Variants in RBM5 observed in about 807,000 individuals in gnomAD.
The protein encoded by RBM5 is RNA-binding protein 5.
Under a neutral mutation model 124.6 loss-of-function variants are expected in RBM5, and 15 were observed. That is an observed-to-expected ratio of 0.12 (90% CI 0.08 to 0.19). The LOEUF (loss-of-function observed/expected upper bound fraction) is 0.19. Ranked by LOEUF, RBM5 falls within the 10% of genes least tolerant of loss-of-function variation. RBM5 has a pLI of 1.00. For missense variants in RBM5, 580 were observed against 1,026.5 expected, an observed-to-expected ratio of 0.57 and a Z score of 5.94; for synonymous variants, 337 against 361.2, an observed-to-expected ratio of 0.93 and a Z score of 0.76.
chr3:50,106,962 C>A (rs951663914), intron 11 of RBM5, 98 bp downstream of exon 11: 22 of 1,010,670 alleles, frequency 2.2e-5, no homozygotes, highest in Non-Finnish European at 3.3e-5. Context: ...TATGTTGAGA[C>A]ACTGTGATCC....
chr3:50,113,284 C>A, intron 17 of RBM5, 99 bp from the exon 18 acceptor site: 2 of 1,267,116 alleles, frequency 1.6e-6, no homozygotes, highest in South Asian at 1.5e-5. Context: ...GGAAATATCA[C>A]TAGTCCACAA....
At chr3:50,110,254 A>G in intron 15 of RBM5, 125 bp from the exon 16 acceptor site, 1 of 767,206 alleles carries the variant, frequency 1.3e-6, no homozygotes, top group Non-Finnish European at 2.1e-6. Context: ...TTGCTGAGGG[A>G]TTGCCTTAGA....
intron 12 of RBM5, 149 bp downstream of exon 12, chr3:50,107,718 C>T (rs1183818200): frequency 1.1e-5 from 5 of 454,476 alleles, no homozygotes; most frequent in Non-Finnish European, 1.5e-5. Flanking sequence ...CAGAGTATCA[C>T]TCTCGTCACC....
At chr3:50,103,833 A>G (rs2090985725) in intron 7 of RBM5, among the ~76,000 whole-genome samples, 1 of 152,184 alleles carries the variant, frequency 6.6e-6, no homozygotes, top group African/African-American at 2.4e-5. Context: ...TTTGAACTTG[A>G]ATGTTGACAT....
chr3:50,090,084 G>A (rs1369760116), intron 1 of RBM5: 2 of 212,530 alleles, frequency 9.4e-6, no homozygotes, highest in Admixed American at 1.1e-4. Flanking sequence ...TTTTTGCTTT[G>A]TAATTCTAAG....
intron 4 of RBM5, chr3:50,099,473 A>AT: frequency 6.6e-6 from 1 of 151,666 alleles, no homozygotes; most frequent in East Asian, 1.9e-4. Flanking sequence ...GGAGGCTGGC[A>AT]TATCACTTGA....
intron 10 of RBM5, 87 bp from the exon 11 acceptor site, chr3:50,106,680 T>C: frequency 2.1e-6 from 2 of 966,336 alleles, no homozygotes; most frequent in Non-Finnish European, 3.2e-6. Flanking sequence ...TATTTTTTAA[T>C]AGAAAACTAC....
At chr3:50,109,910 C>A in intron 15 of RBM5, 1 of 436,996 alleles carries the variant, frequency 2.3e-6, no homozygotes, top group East Asian at 4.0e-5. Context: ...GCATGCTTGA[C>A]CTTTAGAAAG....
intron 2 of RBM5, 59 bp downstream of exon 2, chr3:50,090,510 G>T (rs2090684852): frequency 1.9e-6 from 3 of 1,572,186 alleles, no homozygotes; most frequent in Non-Finnish European, 2.6e-6. Context: ...TGAACTCCTT[G>T]TTTAAAATAG....
chr3:50,095,304 C>G (rs940375458), intron 4 of RBM5, among the ~76,000 whole-genome samples: 1 of 152,138 alleles, frequency 6.6e-6, no homozygotes, highest in Non-Finnish European at 1.5e-5. Flanking sequence ...TCTTCATTAG[C>G]TCCTAGAAGA....
Position 50,114,133 on chromosome 3 carries a change from G to A in RBM5, c.1767+34G>A, listed in dbSNP as rs750053309. Reference sequence around the variant, plus strand: ...AGGAATGGCCAGTATGTCATGATGGGAACTTACCTAAAACTTGAGTCTCAT... The same window carrying A: ...AGGAATGGCCAGTATGTCATGATGGAAACTTACCTAAAACTTGAGTCTCAT... On this transcript the variant is annotated intron_variant, in intron 19 of 24. Coordinates refer to ENST00000347869, the MANE Select transcript of RBM5 (RefSeq NM_005778.4). The A allele has an allele frequency of 5.0e-6, 8 of 1,613,994 alleles. No homozygotes were observed. The Admixed American group carries it at 1.3e-4, about 27-fold the overall frequency.
chr3:50,113,184 CTA>C (rs1575334255), intron 17 of RBM5, 197 bp from the exon 18 acceptor site: 2 of 451,118 alleles, frequency 4.4e-6, no homozygotes, highest in East Asian at 7.7e-5. Context: ...AAATCATATT[CTA>C]TTTTTACTCT....
chr3:50,107,438 G>A, intron 11 of RBM5, 44 bp from the exon 12 acceptor site: 1 of 1,448,730 alleles, frequency 6.9e-7, no homozygotes, highest in African/African-American at 1.4e-5. Flanking sequence ...CTAATTGTGG[G>A]AATACTGTGA....
At chr3:50,105,890 T>C (rs1394398817) in intron 10 of RBM5, among the ~76,000 whole-genome samples, 181 bp downstream of exon 10, 1 of 152,170 alleles carries the variant, frequency 6.6e-6, no homozygotes, top group Non-Finnish European at 1.5e-5. Context: ...AAATAATGTG[T>C]ATACCTATAG....
chr3:50,096,498 T>G (rs1437133789), intron 4 of RBM5, among the ~76,000 whole-genome samples: 3 of 151,634 alleles, frequency 2.0e-5, no homozygotes, highest in Admixed American at 6.6e-5. Context: ...AAAAAGAGGG[T>G]CATGTCGGAA....
At chr3:50,093,623 C>G in intron 3 of RBM5, 97 bp from the exon 4 acceptor site, 1 of 1,368,116 alleles carries the variant, frequency 7.3e-7, no homozygotes, top group Non-Finnish European at 1.0e-6. Context: ...TGTGTAATCT[C>G]TGTACACTTC....
chr3:50,101,562 A>G (rs2090940761), intron 6 of RBM5: 1 of 152,190 alleles, frequency 6.6e-6, no homozygotes, highest in South Asian at 2.1e-4. Context: ...GCCTGATTTT[A>G]TTAAAAGTAG....
intron 8 of RBM5, 24 bp downstream of exon 8, chr3:50,104,332 C>T: frequency 1.2e-6 from 2 of 1,609,128 alleles, no homozygotes; most frequent in Non-Finnish European, 8.5e-7. Context: ...CAGCTGTTTG[C>T]AATATGCATT....
At chr3:50,089,704 G>C (rs780304350) in intron 1 of RBM5, among the ~76,000 whole-genome samples, 4 of 152,056 alleles carry the variant, frequency 2.6e-5, no homozygotes, top group African/African-American at 2.4e-5. Flanking sequence ...CTGATTTTTC[G>C]GACCTCGCGC....
Sources: allele counts gnomAD v4.1 joint callset (sites outside exome capture counted in the v4.1 genomes callset), GRCh38; gene constraint gnomAD v4.1.1; transcripts MANE v1.5; gene names NCBI Gene and HGNC (gene_info 2026-07-23, HGNC 2026-07-21).